Variants in ASIC2 observed in about 807,000 individuals in gnomAD.
ASIC2 encodes acid sensing ion channel subunit 2, also known as acid-sensing ion channel 2.
Under a neutral mutation model 57.3 loss-of-function variants are expected in ASIC2, and 25 were observed. The ratio of observed to expected loss-of-function variants is 0.44; its 90% confidence interval spans 0.32 to 0.61. The LOEUF is 0.61. Among genes scored for constraint, ASIC2 ranks in the 20% least tolerant of loss-of-function variants. ASIC2 has a pLI of 0.06. For synonymous variants in ASIC2, 319 were observed against 307.5 expected, an observed-to-expected ratio of 1.04 and a Z score of -0.39; for missense variants, 641 against 738.1, an observed-to-expected ratio of 0.87 and a Z score of 1.52.
chr17:33,369,989 G>C (rs1908982894), intron 1 of ASIC2, among the ~76,000 whole-genome samples: 1 of 152,150 alleles, frequency 6.6e-6, no homozygotes, highest in Admixed American at 6.5e-5. Context: ...CTCCCAAAGA[G>C]GTCTGGATTC....
At chr17:33,049,367 ACT>A (rs1246751085) in intron 3 of ASIC2, among the ~76,000 whole-genome samples, 1 of 151,932 alleles carries the variant, frequency 6.6e-6, no homozygotes, top group Non-Finnish European at 1.5e-5. Context: ...CTCATATCTC[ACT>A]GTTTGAGAAT....
chr17:33,874,879 C>T (rs1022509616), intron 1 of ASIC2, among the ~76,000 whole-genome samples: 8 of 152,324 alleles, frequency 5.3e-5, no homozygotes, highest in African/African-American at 1.4e-4. Context: ...GGCTGATTAC[C>T]GGGGACCACA....
chr17:33,484,372 T>C (rs1293422410), intron 1 of ASIC2, among the ~76,000 whole-genome samples: 3 of 152,200 alleles, frequency 2.0e-5, no homozygotes, highest in African/African-American at 7.2e-5. Flanking sequence ...GCAAGAATAA[T>C]GATATCCCCA....
chr17:33,558,212 G>A (rs919532107), intron 1 of ASIC2, among the ~76,000 whole-genome samples: 8 of 151,942 alleles, frequency 5.3e-5, no homozygotes, highest in African/African-American at 1.9e-4. Flanking sequence ...TGGGCCCGGG[G>A]GGCCACTACC....
intron 1 of ASIC2, among the ~76,000 whole-genome samples, chr17:34,139,185 A>G (rs773434137): frequency 6.6e-5 from 10 of 152,228 alleles, no homozygotes; most frequent in Non-Finnish European, 1.3e-4. Flanking sequence ...AGCAGTTATT[A>G]TCTTAGCCAA....
intron 1 of ASIC2, among the ~76,000 whole-genome samples, chr17:33,310,729 G>T (rs1200529313): frequency 1.3e-5 from 2 of 152,104 alleles, no homozygotes; most frequent in Non-Finnish European, 2.9e-5. Flanking sequence ...GTCTTCTCTT[G>T]GAACATGCAC....
intron 1 of ASIC2, among the ~76,000 whole-genome samples, chr17:33,782,609 G>A (rs1369945614): frequency 6.6e-6 from 1 of 152,014 alleles, no homozygotes; most frequent in East Asian, 1.9e-4. Context: ...TATGCCTGTG[G>A]TCCCAGCTAC....
intron 1 of ASIC2, among the ~76,000 whole-genome samples, chr17:33,177,865 G>C (rs1262915430): frequency 6.6e-6 from 1 of 152,122 alleles, no homozygotes; most frequent in Non-Finnish European, 1.5e-5. Context: ...AGTCTCAAAG[G>C]GGGCTGGTCT....
chr17:33,964,584 G>A (rs1425686553), intron 1 of ASIC2, among the ~76,000 whole-genome samples: 1 of 152,192 alleles, frequency 6.6e-6, no homozygotes, highest in Non-Finnish European at 1.5e-5. Context: ...CCAGGAAGTA[G>A]GTGAACTTGC....
At chr17:33,750,652 G>A (rs149422897) in intron 1 of ASIC2, among the ~76,000 whole-genome samples, 1 of 152,268 alleles carries the variant, frequency 6.6e-6, no homozygotes, top group African/African-American at 2.4e-5. Flanking sequence ...GGATGTCAGA[G>A]TTTGTTTTTC....
At chr17:33,773,362 C>G (rs546155503) in intron 1 of ASIC2, among the ~76,000 whole-genome samples, 1 of 152,250 alleles carries the variant, frequency 6.6e-6, no homozygotes, top group Non-Finnish European at 1.5e-5. Flanking sequence ...GCCATTAAAA[C>G]CCCCAAAGGC....
At chr17:34,022,064 C>A (rs991740131) in intron 1 of ASIC2, among the ~76,000 whole-genome samples, 3 of 152,100 alleles carry the variant, frequency 2.0e-5, no homozygotes, top group Non-Finnish European at 4.4e-5. Context: ...GTCTCGATCT[C>A]CTGACCTTGT....
intron 1 of ASIC2, among the ~76,000 whole-genome samples, chr17:33,899,211 A>G (rs1915178614): frequency 6.6e-6 from 1 of 152,064 alleles, no homozygotes; most frequent in Non-Finnish European, 1.5e-5. Context: ...CATTTAAGGA[A>G]GTATTTCACC....
At chr17:33,308,354 A>G (rs1348987620) in intron 1 of ASIC2, among the ~76,000 whole-genome samples, 1 of 152,194 alleles carries the variant, frequency 6.6e-6, no homozygotes, top group Admixed American at 6.5e-5. Flanking sequence ...CCTAGGTTCT[A>G]TATAGTGGAC....
At chr17:33,288,759 CAA>C (rs962254017) in intron 1 of ASIC2, among the ~76,000 whole-genome samples, 6 of 145,542 alleles carry the variant, frequency 4.1e-5, no homozygotes, top group Admixed American at 2.1e-4. Context: ...CACACACACA[CAA>C]CTAATATGGT....
At chr17:33,167,001 T>G (rs1262200551) in intron 1 of ASIC2, among the ~76,000 whole-genome samples, 1 of 152,224 alleles carries the variant, frequency 6.6e-6, no homozygotes, top group African/African-American at 2.4e-5. Flanking sequence ...GAGCCAGCAA[T>G]GTCTGTCTCA....
In ASIC2 at chr17:33,628,738, A is replaced by G. The variant is rs146268258; in HGVS notation, c.556-516671T>C. 3.6e-3 allele frequency among the ~76,000 whole-genome samples: 549 copies of G among 152,322 alleles called. 1 individual carries two copies. Among genetic ancestry groups the G allele is most frequent in the Middle Eastern group, 0.017 (5 of 294 alleles). On this transcript the variant is annotated intron_variant, in intron 1 of 9. Coordinates refer to the ASIC2 transcript ENST00000359872. ...AACACTCTTCTGATACTTAATCCCC[A>G]TAACAGCCCTCTGAGGTTGATACAA...
At chr17:33,612,095 C>T (rs541386619) in intron 1 of ASIC2, among the ~76,000 whole-genome samples, 6 of 152,336 alleles carry the variant, frequency 3.9e-5, no homozygotes, top group Admixed American at 1.3e-4. Flanking sequence ...GGAATTCTTT[C>T]TTACTCAGCC....
chr17:33,027,823 G>T (rs144518493), intron 4 of ASIC2, among the ~76,000 whole-genome samples: 3 of 152,342 alleles, frequency 2.0e-5, no homozygotes, highest in Non-Finnish European at 2.9e-5. Context: ...CTGGCCAATA[G>T]ACTTTTGCCT....
Sources: gnomAD v4.1 joint callset for allele counts (sites outside exome capture counted in the v4.1 genomes callset) on GRCh38, gnomAD v4.1.1 for gene constraint, MANE v1.5 for transcripts, NCBI Gene and HGNC (gene_info 2026-07-23, HGNC 2026-07-21) for gene names.